Variants in SHANK2 observed in about 807,000 individuals in gnomAD.
SHANK2 encodes SH3 and multiple ankyrin repeat domains 2.
Under a neutral mutation model 133.7 loss-of-function variants are expected in SHANK2, and 43 were observed. The ratio of observed to expected loss-of-function variants is 0.32; its 90% CI spans 0.25 to 0.41. The LOEUF (loss-of-function observed/expected upper bound fraction) is 0.41. SHANK2 is among the 10% of genes least tolerant of loss of function. The probability of loss-of-function intolerance (pLI) is 1.00; values close to 1 mark genes in which losing one functional copy is unlikely to be tolerated. For missense variants in SHANK2, 1,994 were observed against 2,235.8 expected, an observed-to-expected ratio of 0.89 and a Z score of 2.18; for synonymous variants, 1,017 against 952.8, an observed-to-expected ratio of 1.07 and a Z score of -1.24.
intron 10 of SHANK2, among the ~76,000 whole-genome samples, chr11:70,941,733 G>A (rs1555084427): frequency 6.6e-6 from 1 of 152,170 alleles, no homozygotes; most frequent in African/African-American, 2.4e-5. Context: ...CCACAACCTT[G>A]CTCGGACTTC....
At chr11:70,609,166 C>T (rs2060620710) in intron 17 of SHANK2, among the ~76,000 whole-genome samples, 1 of 152,230 alleles carries the variant, frequency 6.6e-6, no homozygotes. Flanking sequence ...CCTCTCAAAG[C>T]CCTGCTCGGA....
chr11:70,862,979 G>A (rs1029777944), intron 11 of SHANK2: 2 of 300,730 alleles, frequency 6.7e-6, no homozygotes, highest in Non-Finnish European at 6.5e-6. Context: ...GTGATTCAGG[G>A]ACTCAGGGAC....
At chr11:71,148,780 C>G (rs142249561) in intron 2 of SHANK2, among the ~76,000 whole-genome samples, 1 of 152,318 alleles carries the variant, frequency 6.6e-6, no homozygotes, top group Non-Finnish European at 1.5e-5. Flanking sequence ...AAACATAACA[C>G]TGTGCAAAAG....
At chr11:71,099,350 T>A (rs782332509) in intron 6 of SHANK2, among the ~76,000 whole-genome samples, 1 of 152,196 alleles carries the variant, frequency 6.6e-6, no homozygotes, top group Non-Finnish European at 1.5e-5. Context: ...AAGCGTACCA[T>A]ACGACTTCCG....
chr11:71,197,592 A>C (rs1266766983), intron 2 of SHANK2, among the ~76,000 whole-genome samples: 3 of 152,190 alleles, frequency 2.0e-5, no homozygotes, highest in Non-Finnish European at 4.4e-5. Context: ...GATGGACCCC[A>C]TGGGTCTCAG....
chr11:70,761,366 T>C (rs531617508), intron 14 of SHANK2, among the ~76,000 whole-genome samples: 1 of 152,286 alleles, frequency 6.6e-6, no homozygotes, highest in African/African-American at 2.4e-5. Context: ...TCTGGGACTT[T>C]CACTCTCCAG....
At chr11:71,086,339 A>C (rs1951415451) in intron 8 of SHANK2, among the ~76,000 whole-genome samples, 1 of 123,398 alleles carries the variant, frequency 8.1e-6, no homozygotes, top group Non-Finnish European at 1.6e-5. Context: ...TATATGTTAT[A>C]TAAGATATAG....
rs73521172 is a variant in SHANK2, at chr11:71,118,714, A to G, written c.411+115T>C. The G allele has an allele frequency of 0.013, 12,048 of 913,728 alleles. 810 individuals carry two copies. The African/African-American group carries it at 0.16, about 12-fold the overall frequency. The allele number at this position is 913,728 out of a possible 1,614,324, so 56.6% of individuals were successfully genotyped here. On this transcript the variant is annotated intron_variant, in intron 4 of 25. Coordinates refer to ENST00000601538, the MANE Select transcript of SHANK2 (RefSeq NM_012309.5). ...CCCAGACTGATTTTTAAATGTGGGG[A>G]TAATTTCCCAATGCAAATGGAATTG... is the stretch of plus-strand genomic sequence containing the variant.
intron 17 of SHANK2, among the ~76,000 whole-genome samples, chr11:70,515,777 A>G (rs1554969941): frequency 6.6e-6 from 1 of 151,984 alleles, no homozygotes. Context: ...ACACCACTGC[A>G]CTCCAGCCTG....
At chr11:70,929,817 C>A (rs1328837745) in intron 10 of SHANK2, among the ~76,000 whole-genome samples, 2 of 152,198 alleles carry the variant, frequency 1.3e-5, no homozygotes, top group Non-Finnish European at 2.9e-5. Flanking sequence ...GGGGGACATT[C>A]TTTTAGCAAC....
intron 9 of SHANK2, among the ~76,000 whole-genome samples, chr11:71,058,866 CA>C (rs1321242538): frequency 6.6e-6 from 1 of 152,262 alleles, no homozygotes; most frequent in African/African-American, 2.4e-5. Flanking sequence ...AGCAAAATGC[CA>C]AGCTGAGTGG....
At chr11:70,728,508 A>G (rs1379214246) in intron 14 of SHANK2, among the ~76,000 whole-genome samples, 1 of 152,248 alleles carries the variant, frequency 6.6e-6, no homozygotes, top group Non-Finnish European at 1.5e-5. Flanking sequence ...CAGGGCTTCA[A>G]GGAGCCCCAG....
rs142475762 is a variant in SHANK2, at chr11:70,590,978, A to T, written c.2061+68850T>A. Among the ~76,000 whole-genome samples the T allele has an allele frequency of 3.9e-5, 6 of 152,318 alleles. No homozygotes were observed. In the East Asian group the frequency reaches 9.6e-4, roughly 24 times the overall value. The stretch of plus-strand genomic sequence containing the variant: ...TAATTAGTATCCCTCTCCCCAGTAG[A>T]TGTTATCTTTTAAAAAAGGAAAAGA... On this transcript the variant is annotated intron_variant, in intron 17 of 25. Transcript: ENST00000601538.
At chr11:71,193,943 G>A (rs973229654) in intron 2 of SHANK2, among the ~76,000 whole-genome samples, 9 of 152,058 alleles carry the variant, frequency 5.9e-5, no homozygotes, top group East Asian at 1.9e-4. Flanking sequence ...AAAGACCCTC[G>A]CTCCAAATAA....
chr11:70,873,741 A>ATT lies in SHANK2; in HGVS notation c.1174+22758_1174+22759dup, dbSNP rs34001080. ...CCAGCCATTGCTTCCTCCATTTACCATTTTTTTTTTTTTTGCCAGTTCATG... is the reference window on the plus strand; with the variant it reads ...CCAGCCATTGCTTCCTCCATTTACCATTTTTTTTTTTTTTTTGCCAGTTCATG... On this transcript the variant is annotated intron_variant, in intron 11 of 25. Coordinates refer to ENST00000601538, the MANE Select transcript of SHANK2 (RefSeq NM_012309.5). Among the ~76,000 whole-genome samples the ATT allele has an allele frequency of 1.5e-4, 21 of 139,980 alleles. No individual in the cohort carries two copies. The East Asian group carries it at 1.6e-3, about 11-fold the overall frequency. The allele number at this position is 139,980 out of a possible 152,430, so 91.8% of individuals were successfully genotyped here. A position where few individuals can be genotyped will look rare whatever the true frequency, so the allele number is the denominator to read the frequency against.
chr11:70,864,797 G>T, intron 11 of SHANK2: 1 of 152,520 alleles, frequency 6.6e-6, no homozygotes, highest in South Asian at 2.1e-4. Flanking sequence ...AGGCTGAGGT[G>T]GGAGGATCCC....
chr11:70,544,598 G>A (rs2059665765), intron 17 of SHANK2, among the ~76,000 whole-genome samples: 1 of 152,198 alleles, frequency 6.6e-6, no homozygotes, highest in Non-Finnish European at 1.5e-5. Flanking sequence ...GGTCACAGTA[G>A]ACACCATCCC....
intron 17 of SHANK2, among the ~76,000 whole-genome samples, chr11:70,608,904 C>T (rs1457244189): frequency 2.6e-5 from 4 of 152,236 alleles, no homozygotes; most frequent in East Asian, 1.9e-4. Flanking sequence ...AGATGTGGCA[C>T]GGTTTTGAAT....
intron 14 of SHANK2, among the ~76,000 whole-genome samples, chr11:70,759,971 C>G (rs1565298035): frequency 6.6e-6 from 1 of 152,240 alleles, no homozygotes; most frequent in Non-Finnish European, 1.5e-5. Flanking sequence ...ACCCACCCTG[C>G]AGACACCTTG....
Sources: gnomAD v4.1 joint callset for allele counts (sites outside exome capture counted in the v4.1 genomes callset) on GRCh38, gnomAD v4.1.1 for gene constraint, MANE v1.5 for transcripts, NCBI Gene and HGNC (gene_info 2026-07-23, HGNC 2026-07-21) for gene names.